Variants in AOPEP observed in about 807,000 individuals in gnomAD.
The protein encoded by AOPEP is aminopeptidase O (putative), also known as aminopeptidase O.
In AOPEP, 77 loss-of-function variants were observed where a neutral mutation model predicts 98.1. The observed-to-expected ratio is 0.78, with a 90% CI of 0.65 to 0.95. The LOEUF is 0.95. AOPEP is among the 40% of genes least tolerant of loss of function. AOPEP has a pLI of 0.00. For synonymous variants in AOPEP, 346 were observed against 365.3 expected, an observed-to-expected ratio of 0.95 and a Z score of 0.60; for missense variants, 1,024 against 1,024.7, an observed-to-expected ratio of 1.00 and a Z score of 0.01.
the AOPEP span, among the ~76,000 whole-genome samples, chr9:95,093,835 G>T: frequency 6.6e-6 from 1 of 152,162 alleles, no homozygotes; most frequent in Non-Finnish European, 1.5e-5. Context: ...CCCACCTTCT[G>T]GGGGCTTCGT....
At chr9:95,004,791 G>A (rs1181445047) in intron 11 of AOPEP, among the ~76,000 whole-genome samples, 1 of 145,502 alleles carries the variant, frequency 6.9e-6, no homozygotes, top group Admixed American at 6.8e-5. Flanking sequence ...GTGCGCGGGG[G>A]CGCGGGGCGG....
At chr9:95,148,605 G>C in the AOPEP span, among the ~76,000 whole-genome samples, 1 of 152,304 alleles carries the variant, frequency 6.6e-6, no homozygotes, top group Non-Finnish European at 1.5e-5. Context: ...CATGGTGGCA[G>C]TAATGACTAT....
chr9:94,868,216 A>G (rs1322802898), intron 5 of AOPEP, among the ~76,000 whole-genome samples: 2 of 152,230 alleles, frequency 1.3e-5, no homozygotes, highest in Non-Finnish European at 2.9e-5. Flanking sequence ...CTCATTCCCT[A>G]GTAAAGCAGC....
the AOPEP span, chr9:95,149,934 C>T: frequency 3.1e-6 from 5 of 1,603,988 alleles, no homozygotes; most frequent in African/African-American, 5.3e-5. Flanking sequence ...GCAAAATGGC[C>T]TCGTTTACAG....
At chr9:94,728,676 A>G (rs529546537) in intron 1 of AOPEP, among the ~76,000 whole-genome samples, 43 of 152,268 alleles carry the variant, frequency 2.8e-4, no homozygotes, top group African/African-American at 1.0e-3. Context: ...GCTGAGGTCA[A>G]GGATTTAGAG....
intron 10 of AOPEP, among the ~76,000 whole-genome samples, chr9:94,975,420 C>T (rs1299479040): frequency 6.6e-6 from 1 of 152,114 alleles, no homozygotes; most frequent in Non-Finnish European, 1.5e-5. Flanking sequence ...ACTTTTAGTG[C>T]CACGGTAGAA....
chr9:95,082,291 G>T (rs2069898637), intron 15 of AOPEP, among the ~76,000 whole-genome samples: 1 of 152,228 alleles, frequency 6.6e-6, no homozygotes, highest in African/African-American at 2.4e-5. Flanking sequence ...GGCCATCATG[G>T]TGGGAATGCC....
At chr9:95,124,076 C>G in the AOPEP span, among the ~76,000 whole-genome samples, 1 of 130,454 alleles carries the variant, frequency 7.7e-6, no homozygotes, top group Non-Finnish European at 1.5e-5. Context: ...TGCACTCCAG[C>G]CTGGGTGACA....
intron 5 of AOPEP, among the ~76,000 whole-genome samples, chr9:94,908,549 T>C (rs2051519871): frequency 1.3e-5 from 2 of 152,208 alleles, no homozygotes; most frequent in South Asian, 4.1e-4. Context: ...GGCTGGCTGC[T>C]TGACTTTCAT....
At position 95,016,141 on chromosome 9, in the gene AOPEP, T is replaced by G. The variant is rs867753016; in HGVS notation, c.2115+10525T>G. Among the ~76,000 whole-genome samples the G allele has an allele frequency of 1.8e-4, 28 of 151,600 alleles. No homozygotes were observed. In the East Asian group the frequency reaches 5.0e-3, roughly 27 times the overall value. On this transcript the variant is annotated intron_variant, in intron 13 of 16. Transcript: ENST00000375315. Reference sequence around the variant, plus strand: ...TACTTGCATTAAGCTTTTTTTTTTTTTCCCCCCACGGTAAACCTTTGGTTT... The same window carrying G: ...TACTTGCATTAAGCTTTTTTTTTTTGTCCCCCCACGGTAAACCTTTGGTTT...
At position 94,980,198 on chromosome 9, in the gene AOPEP, C is replaced by G. The variant is rs1010016105; in HGVS notation, c.1977+771C>G. ...GACAGCCCAGGCCCCTTCGCCAAAT[C>G]AAATGCTGGCCATGGCAAGCCTAGG... On this transcript the variant is annotated intron_variant, in intron 11 of 16. Transcript: ENST00000375315. The surrounding 1 kb of genome is among the most constrained non-coding windows in gnomAD (Gnocchi z 4.3). 6.6e-6 allele frequency among the ~76,000 whole-genome samples: 1 copy of G among 152,230 alleles called. No individual in the cohort carries two copies. Among genetic ancestry groups the G allele is most frequent in the Non-Finnish European group, 1.5e-5 (1 of 68,046 alleles).
At chr9:95,038,673 G>A (rs368295444) in intron 13 of AOPEP, among the ~76,000 whole-genome samples, 1 of 152,238 alleles carries the variant, frequency 6.6e-6, no homozygotes, top group African/African-American at 2.4e-5. Context: ...TCAAGGGAAC[G>A]AGTCTTGTTA....
the AOPEP span, among the ~76,000 whole-genome samples, chr9:95,141,024 A>C: frequency 6.6e-6 from 1 of 152,064 alleles, no homozygotes; most frequent in Non-Finnish European, 1.5e-5. Context: ...AAAAAACAGG[A>C]TGTGGCTGGG....
chr9:94,932,817 C>T, intron 7 of AOPEP: 1 of 985,344 alleles, frequency 1.0e-6, no homozygotes, highest in Non-Finnish European at 1.2e-6. Flanking sequence ...GCTGTGTTTC[C>T]TTTGTATCCG....
chr9:94,850,003 C>T (rs957458251), intron 5 of AOPEP, among the ~76,000 whole-genome samples: 20 of 149,790 alleles, frequency 1.3e-4, no homozygotes, highest in Non-Finnish European at 2.4e-4. Context: ...CCACGGCACT[C>T]CAGCCTGCGC....
At chr9:95,150,152 A>C in the AOPEP span, 1 of 1,572,658 alleles carries the variant, frequency 6.4e-7, no homozygotes, top group Non-Finnish European at 8.7e-7. Context: ...GACATATAAA[A>C]ACCTTCATGC....
chr9:95,147,771 GA>G, the AOPEP span, among the ~76,000 whole-genome samples: 4 of 152,126 alleles, frequency 2.6e-5, no homozygotes, highest in East Asian at 7.7e-4. Flanking sequence ...AGAGTCTGAA[GA>G]AAAAAAATTT....
chr9:94,861,128 A>G (rs923015552), intron 5 of AOPEP, among the ~76,000 whole-genome samples: 2 of 152,122 alleles, frequency 1.3e-5, no homozygotes, highest in African/African-American at 4.8e-5. Context: ...AACTCTGCAT[A>G]TGGATGGCAG....
intron 5 of AOPEP, among the ~76,000 whole-genome samples, chr9:94,890,616 G>A (rs2048776641): frequency 6.6e-6 from 1 of 151,718 alleles, no homozygotes; most frequent in Non-Finnish European, 1.5e-5. Context: ...TCTAATGTCA[G>A]CAGTTCTATA....
Sources: gnomAD v4.1 joint callset for allele counts (sites outside exome capture counted in the v4.1 genomes callset) on GRCh38, gnomAD v4.1.1 for gene constraint, Gnocchi (gnomAD v3.1) non-coding constraint, MANE v1.5 for transcripts, NCBI Gene and HGNC (gene_info 2026-07-23, HGNC 2026-07-21) for gene names.